Variants in UBE2E1 observed in about 807,000 individuals in gnomAD.
The protein encoded by UBE2E1 is ubiquitin-conjugating enzyme E2 E1.
A neutral mutation model predicts 21.4 loss-of-function variants in UBE2E1; 6 were observed. That is an observed-to-expected ratio of 0.28 (90% CI 0.15 to 0.55). The LOEUF is 0.55. UBE2E1 is among the 20% of genes least tolerant of loss of function. UBE2E1 has a pLI of 0.93. For synonymous variants in UBE2E1, 87 were observed against 82.7 expected, an observed-to-expected ratio of 1.05 and a Z score of -0.28; for missense variants, 142 against 236.5, an observed-to-expected ratio of 0.60 and a Z score of 2.62.
intron 5 of UBE2E1, 97 bp from the exon 6 acceptor site, chr3:23,890,412 T>C: frequency 1.8e-6 from 2 of 1,117,360 alleles, no homozygotes; most frequent in Non-Finnish European, 1.3e-6. Context: ...TGATCACACA[T>C]ACTTTGTCGT....
chr3:23,868,215 TC>T (rs997379249), intron 3 of UBE2E1, among the ~76,000 whole-genome samples: 2 of 151,998 alleles, frequency 1.3e-5, no homozygotes, highest in African/African-American at 2.4e-5. Context: ...AGACTTAGTA[TC>T]CCCCCCACCT....
chr3:23,811,889 A>C (rs544901888), intron 3 of UBE2E1, among the ~76,000 whole-genome samples: 1 of 152,348 alleles, frequency 6.6e-6, no homozygotes, highest in African/African-American at 2.4e-5. Context: ...CTCTTATTCA[A>C]TCTCTGCTAA....
intron 3 of UBE2E1, among the ~76,000 whole-genome samples, chr3:23,872,842 C>A (rs999194278): frequency 3.3e-5 from 5 of 152,086 alleles, no homozygotes; most frequent in African/African-American, 1.2e-4. Flanking sequence ...CATGGTGACA[C>A]CCCGTCTCTA....
chr3:23,841,523 T>C (rs1463768743), intron 3 of UBE2E1, among the ~76,000 whole-genome samples: 1 of 152,242 alleles, frequency 6.6e-6, no homozygotes, highest in African/African-American at 2.4e-5. Context: ...GTTGGACTTG[T>C]AATGGCCGCA....
Position 23,842,253 on chromosome 3 carries a change from T to G in UBE2E1, c.203+30743T>G, listed in dbSNP as rs555109522. The stretch of plus-strand genomic sequence containing the variant: ...TGTGTGTGTGTGTGTGTGTGTGGTG[T>G]TGTTGTTGTTGGCGACAGGGTCTCA... On this transcript the variant is annotated intron_variant, in intron 3 of 5. Coordinates refer to ENST00000306627, the MANE Select transcript of UBE2E1 (RefSeq NM_003341.5). This position sits in a 1 kb window ranked among gnomAD's most constrained non-coding sequence, Gnocchi z 4.6. Among the ~76,000 whole-genome samples the G allele has an allele frequency of 6.2e-3, 354 of 56,780 alleles. No individual in the cohort carries two copies. Among genetic ancestry groups the G allele is most frequent in the African/African-American group, 0.019 (324 of 16,906 alleles). 37.2% of individuals were successfully genotyped at this position (56,780 alleles called of 152,430 possible).
intron 3 of UBE2E1, among the ~76,000 whole-genome samples, chr3:23,849,081 A>G (rs376999605): frequency 6.6e-6 from 1 of 152,220 alleles, no homozygotes; most frequent in East Asian, 1.9e-4. Flanking sequence ...ATGAACATTC[A>G]TGTGCAAGTT....
chr3:23,875,988 G>A (rs1168269092), intron 3 of UBE2E1, among the ~76,000 whole-genome samples: 4 of 152,190 alleles, frequency 2.6e-5, no homozygotes, highest in African/African-American at 9.7e-5. Flanking sequence ...GGCCAGGATG[G>A]TCTCTATCTC....
At chr3:23,838,168 A>G (rs1700008968) in intron 3 of UBE2E1, among the ~76,000 whole-genome samples, 1 of 152,072 alleles carries the variant, frequency 6.6e-6, no homozygotes. Context: ...CCCGGGCTCA[A>G]GTAATCCTCC....
At chr3:23,862,444 TTCTG>T (rs762918898) in intron 3 of UBE2E1, among the ~76,000 whole-genome samples, 16 of 152,342 alleles carry the variant, frequency 1.1e-4, no homozygotes, top group East Asian at 1.9e-4. Context: ...CATTTCTGTG[TTCTG>T]TCTGTTCCTT....
intron 3 of UBE2E1, among the ~76,000 whole-genome samples, chr3:23,851,030 G>T (rs989587301): frequency 8.6e-5 from 13 of 151,902 alleles, no homozygotes; most frequent in Non-Finnish European, 1.5e-5. Context: ...TTAGTTTTTC[G>T]ATTTGGATCA....
rs182480432 is a variant in UBE2E1, at chr3:23,882,019, C to T, written c.204-5548C>T. Among the ~76,000 whole-genome samples, 10 of 152,282 alleles carry T rather than the reference C, an allele frequency of 6.6e-5. No individual in the cohort carries two copies. In the South Asian group the frequency reaches 8.3e-4, roughly 13 times the overall value. On this transcript the variant is annotated intron_variant, in intron 3 of 5. Transcript: ENST00000306627. ...CCTCAGGAGTGAAGCTGCAGACCTTCGCGGTGAGTGTTACAGCTCACAAAG... is the reference window on the plus strand; with the variant it reads ...CCTCAGGAGTGAAGCTGCAGACCTTTGCGGTGAGTGTTACAGCTCACAAAG...
In UBE2E1 at chr3:23,807,218, T is replaced by C; in HGVS notation, c.-33-19T>C. The C allele has an allele frequency of 6.4e-7, 1 of 1,569,440 alleles. No homozygotes were observed. The highest frequency in any genetic ancestry group is 8.6e-7 in the Non-Finnish European group (1 of 1,160,160). ...CTGCATGGTTTGTGTGTTTCTGTTTTGTTTCTCTCCCCCTGCAGGGGCTGT... is the reference window on the plus strand; with the variant it reads ...CTGCATGGTTTGTGTGTTTCTGTTTCGTTTCTCTCCCCCTGCAGGGGCTGT... On this transcript the variant is annotated intron_variant, in intron 1 of 5. Transcript: ENST00000306627.
rs909075916 is a variant in UBE2E1, at chr3:23,823,924, C to T, written c.203+12414C>T. On this transcript the variant is annotated intron_variant, in intron 3 of 5. Coordinates refer to ENST00000306627, the MANE Select transcript of UBE2E1 (RefSeq NM_003341.5). The surrounding 1 kb of genome is among the most constrained non-coding windows in gnomAD (Gnocchi z 4.2). ...ATCCTTCAGGGAGACTGGTAGCCCC[C>T]GAAAAGACATTTATTTTTTGTAGCT... is the stretch of plus-strand genomic sequence containing the variant. 7.2e-5 allele frequency among the ~76,000 whole-genome samples: 11 copies of T among 152,122 alleles called. No homozygotes were observed. Among genetic ancestry groups the T allele is most frequent in the East Asian group, 5.8e-4 (3 of 5,204 alleles).
chr3:23,811,787 ATCATGGG>A (rs1217303059), intron 3 of UBE2E1, among the ~76,000 whole-genome samples: 1 of 152,224 alleles, frequency 6.6e-6, no homozygotes, highest in Non-Finnish European at 1.5e-5. Flanking sequence ...TCCTTGCCTA[ATCATGGG>A]TCTTTGATAT....
intron 3 of UBE2E1, among the ~76,000 whole-genome samples, chr3:23,829,718 A>G (rs528565850): frequency 6.6e-6 from 1 of 152,344 alleles, no homozygotes; most frequent in South Asian, 2.1e-4. Flanking sequence ...GAGAAAGGAA[A>G]GGGGTCTAGA....
rs57557212 is a variant in UBE2E1 at position 23,823,310 on chromosome 3, A to G, written c.203+11800A>G. Among the ~76,000 whole-genome samples the G allele has an allele frequency of 0.21, 31,612 of 152,188 alleles. 3,392 individuals carry two copies. Among genetic ancestry groups the G allele is most frequent in the Non-Finnish European group, 0.24 (16,003 of 68,000 alleles). On this transcript the variant is annotated intron_variant, in intron 3 of 5. Transcript: ENST00000306627. This position sits in a 1 kb window ranked among gnomAD's most constrained non-coding sequence, Gnocchi z 4.2. ...GATACTCTTGGTCCTGCTTACCTTG[A>G]TAATTGAGGGTAGAATTAAGAAAGT...
At chr3:23,840,402 A>C (rs1466547051) in intron 3 of UBE2E1, among the ~76,000 whole-genome samples, 1 of 152,164 alleles carries the variant, frequency 6.6e-6, no homozygotes, top group Admixed American at 6.5e-5. Flanking sequence ...TATTCTTAAA[A>C]ATATTCTTGA....
At chr3:23,824,125 A>G (rs1030714867) in intron 3 of UBE2E1, among the ~76,000 whole-genome samples, 1 of 152,230 alleles carries the variant, frequency 6.6e-6, no homozygotes, top group Admixed American at 6.5e-5. Context: ...TTCTACTTCT[A>G]CATTTTACTG....
In UBE2E1 at chr3:23,864,026, G is replaced by C. The variant is rs536009228; in HGVS notation, c.204-23541G>C. ...TTCTTGTTTATGCCCTTATTTTGCA[G>C]AGTACATCCCTCAGTAACTTCCTGA... On this transcript the variant is annotated intron_variant, in intron 3 of 5. Coordinates refer to ENST00000306627, the MANE Select transcript of UBE2E1 (RefSeq NM_003341.5). 2.8e-4 allele frequency among the ~76,000 whole-genome samples: 43 copies of C among 152,254 alleles called. 1 individual carries two copies. In the South Asian group the frequency reaches 6.4e-3, roughly 23 times the overall value.
Sources: allele counts gnomAD v4.1 joint callset (sites outside exome capture counted in the v4.1 genomes callset), GRCh38; gene constraint gnomAD v4.1.1; non-coding constraint Gnocchi (gnomAD v3.1); transcripts MANE v1.5; gene names NCBI Gene and HGNC (gene_info 2026-07-23, HGNC 2026-07-21).